NUP62CL: variants seen among roughly 807,000 people sequenced by gnomAD.
NUP62CL encodes the protein nucleoporin-62 C-terminal-like protein.
In NUP62CL, 13 loss-of-function variants were observed where a neutral mutation model predicts 15.3. The ratio of observed to expected loss-of-function variants is 0.85; its 90% CI spans 0.55 to 1.35. NUP62CL has a LOEUF of 1.35. Among genes scored for constraint, NUP62CL ranks in the 40% most tolerant of loss-of-function variants. The pLI is 0.00. For missense variants in NUP62CL, 123 were observed against 130.6 expected (o/e 0.94, Z 0.28); for synonymous variants, 54 against 49.2 (o/e 1.10, Z -0.41).
intron 4 of NUP62CL, among the ~76,000 whole-genome samples, chrX:107,166,847 T>C (rs1926527570): frequency 8.9e-6 from 1 of 111,860 alleles, no homozygotes; most frequent in South Asian, 3.8e-4. Flanking sequence ...TGACTCTATC[T>C]GTACAACACT....
In NUP62CL at chrX:107,200,631, AAG is replaced by A. The variant is rs780197630; in HGVS notation, c.-92+5640_-92+5641del. On this transcript the variant is annotated intron_variant, in intron 1 of 8. Transcript: ENST00000372466. Reference sequence around the variant, plus strand: ...GAGATTCCGTCTCAAAAAAAAAAAAAAGAGAGAGAGAGAGAGAGAATCTTGGA... The same window carrying A: ...GAGATTCCGTCTCAAAAAAAAAAAAAAGAGAGAGAGAGAGAGAATCTTGGA... 2.0e-3 allele frequency among the ~76,000 whole-genome samples: 209 copies of A among 106,338 alleles called. 2 individuals carry two copies. Among genetic ancestry groups the A allele is most frequent in the Middle Eastern group, 9.5e-3 (2 of 211 alleles). 92.3% of individuals were successfully genotyped at this position (106,338 alleles called of 115,157 possible).
At chrX:107,130,223 G>A (rs943480568) in intron 8 of NUP62CL, among the ~76,000 whole-genome samples, 27 of 111,348 alleles carry the variant, frequency 2.4e-4, no homozygotes, top group African/African-American at 7.8e-4. Flanking sequence ...ACACCAAAAC[G>A]CATCATCTGA....
chrX:107,171,136 C>G (rs937999864), intron 3 of NUP62CL, among the ~76,000 whole-genome samples: 2 of 112,195 alleles, frequency 1.8e-5, no homozygotes, highest in African/African-American at 6.5e-5. Flanking sequence ...CTGATTATAT[C>G]TAGGGCAGAC....
At chrX:107,175,284 G>C in intron 2 of NUP62CL, 91 bp from the exon 3 acceptor site, 1 of 471,823 alleles carries the variant, frequency 2.1e-6, no homozygotes, top group African/African-American at 2.4e-5. Flanking sequence ...TTAATATGGA[G>C]AAATAAAAAC....
chrX:107,184,323 GA>G (rs1434121720), intron 2 of NUP62CL, among the ~76,000 whole-genome samples: 1 of 70,459 alleles, frequency 1.4e-5, no homozygotes, highest in Non-Finnish European at 2.6e-5. Flanking sequence ...AAGAAAGAAA[GA>G]AAGAAAGAAA....
chrX:107,205,025 T>C (rs911607811), intron 1 of NUP62CL, among the ~76,000 whole-genome samples: 3 of 109,570 alleles, frequency 2.7e-5, no homozygotes, highest in East Asian at 2.8e-4. Flanking sequence ...CATTAGGGTG[T>C]TGTGGTGTAC....
At chrX:107,201,975 C>T (rs1228486441) in intron 1 of NUP62CL, among the ~76,000 whole-genome samples, 2 of 111,118 alleles carry the variant, frequency 1.8e-5, no homozygotes, top group African/African-American at 6.6e-5. Context: ...TAAATTATAC[C>T]ATTTATATAA....
chrX:107,197,882 T>C (rs1486125405), intron 1 of NUP62CL, among the ~76,000 whole-genome samples: 1 of 112,274 alleles, frequency 8.9e-6, no homozygotes, highest in Non-Finnish European at 1.9e-5. Context: ...ATTAAGTGAA[T>C]AACCAAAATA....
At chrX:107,173,913 T>G (rs990818771) in intron 3 of NUP62CL, among the ~76,000 whole-genome samples, 1 of 111,077 alleles carries the variant, frequency 9.0e-6, no homozygotes, top group African/African-American at 3.3e-5. Flanking sequence ...CAACAAAATT[T>G]AATGATGAAC....
At chrX:107,156,478 C>T (rs1395033886) in intron 4 of NUP62CL, among the ~76,000 whole-genome samples, 1 of 106,596 alleles carries the variant, frequency 9.4e-6, no homozygotes, top group African/African-American at 3.4e-5. Context: ...GACCCCTGAT[C>T]CCCGAGCAGC....
intron 2 of NUP62CL, among the ~76,000 whole-genome samples, chrX:107,177,197 GAATAT>G (rs1199707561): frequency 3.6e-5 from 4 of 111,427 alleles, no homozygotes; most frequent in Non-Finnish European, 7.5e-5. Context: ...AAGAAATTAA[GAATAT>G]AATTCCATTT....
At chrX:107,186,155 G>A (rs753086223) in intron 2 of NUP62CL, among the ~76,000 whole-genome samples, 3 of 111,542 alleles carry the variant, frequency 2.7e-5, no homozygotes, top group Non-Finnish European at 5.6e-5. Flanking sequence ...CCAACTGATA[G>A]AACTTATCAG....
chrX:107,128,240 T>A (rs187750580), intron 8 of NUP62CL, among the ~76,000 whole-genome samples: 2 of 112,452 alleles, frequency 1.8e-5, no homozygotes, highest in East Asian at 5.6e-4. Flanking sequence ...CATTAACTAA[T>A]ACCTAACAAT....
At position 107,166,087 on chromosome X, in the gene NUP62CL, C is replaced by G. The variant is rs149049393; in HGVS notation, c.194+1562G>C. 6.5e-3 allele frequency among the ~76,000 whole-genome samples: 725 copies of G among 111,583 alleles called. 6 individuals are homozygous for G. Among genetic ancestry groups the G allele is most frequent in the African/African-American group, 0.022 (684 of 30,721 alleles). The stretch of plus-strand genomic sequence containing the variant: ...AACTCATTAATTAAAGGTTTTGATA[C>G]AGCAAAAGGACCCTGTTAAGAGGAT... On this transcript the variant is annotated intron_variant, in intron 4 of 8. Coordinates refer to ENST00000372466, the MANE Select transcript of NUP62CL (RefSeq NM_017681.3).
intron 2 of NUP62CL, among the ~76,000 whole-genome samples, chrX:107,176,741 G>A (rs1486191436): frequency 2.7e-5 from 3 of 111,139 alleles, no homozygotes; most frequent in Non-Finnish European, 5.7e-5. Flanking sequence ...CTCAATAGAA[G>A]CAGTAAAAGC....
intron 1 of NUP62CL, among the ~76,000 whole-genome samples, chrX:107,199,413 A>C (rs1927430484): frequency 8.9e-6 from 1 of 112,245 alleles, no homozygotes; most frequent in Non-Finnish European, 1.9e-5. Flanking sequence ...AAGCCATTTC[A>C]GCATAATGTT....
intron 2 of NUP62CL, among the ~76,000 whole-genome samples, chrX:107,179,379 C>T (rs1926861769): frequency 1.8e-5 from 2 of 111,130 alleles, no homozygotes; most frequent in Non-Finnish European, 3.8e-5. Flanking sequence ...GAACACAGTA[C>T]CCAATAGGTA....
chrX:107,124,906 T>G (rs1925352996), intron 8 of NUP62CL, among the ~76,000 whole-genome samples: 1 of 111,876 alleles, frequency 8.9e-6, no homozygotes, highest in Non-Finnish European at 1.9e-5. Context: ...CAAATAAACT[T>G]TGTCATTTCT....
Position 107,167,709 on chromosome X carries a change from T to C in NUP62CL, c.134A>G (p.Asn45Ser), listed in dbSNP as rs1323691288. ...TTTITSGFTV[N>S]QNQLLSRGFE... Reference sequence around the variant, plus strand: ...CCCTCTTGATAACAGTTGGTTTTGGTTCACAGTAAAGCCACTGGTGATTGT... The same window carrying C: ...CCCTCTTGATAACAGTTGGTTTTGGCTCACAGTAAAGCCACTGGTGATTGT... The change falls in exon 4 of 9, where the codon AAC becomes AGC. Residue 45 changes from asparagine (N) to serine (S), a missense_variant. Asn to Ser is a conservative substitution (Grantham distance 46). Transcript: ENST00000372466. 5 of 1,208,247 alleles carry C rather than the reference T, an allele frequency of 4.1e-6. No individual in the cohort carries two copies. The Admixed American group carries it at 8.7e-5, about 21-fold the overall frequency.
Sources: gnomAD v4.1 joint callset for allele counts (sites outside exome capture counted in the v4.1 genomes callset) on GRCh38, gnomAD v4.1.1 for gene constraint, MANE v1.5 for transcripts, NCBI Gene and HGNC (gene_info 2026-07-23, HGNC 2026-07-21) for gene names.